The following APAF1 variants were observed in gnomAD, a reference collection of about 807,000 sequenced individuals.
The protein encoded by APAF1 is apoptotic peptidase activating factor 1.
In APAF1, 91 loss-of-function variants were observed where a neutral mutation model predicts 152.4. The observed-to-expected ratio is 0.60, with a 90% CI of 0.50 to 0.71. APAF1 has a LOEUF of 0.71. Among genes scored for constraint, APAF1 ranks in the 30% least tolerant of loss-of-function variants. APAF1 has a pLI of 0.00. For missense variants in APAF1, 1,283 were observed against 1,472.0 expected (o/e 0.87, Z 2.10); for synonymous variants, 484 against 494.1 (o/e 0.98, Z 0.27).
intron 16 of APAF1, among the ~76,000 whole-genome samples, chr12:98,694,611 T>C (rs1458541821): frequency 6.6e-6 from 1 of 152,200 alleles, no homozygotes; most frequent in Non-Finnish European, 1.5e-5. Flanking sequence ...TATTATTCTG[T>C]TCTTGTTTCA....
chr12:98,648,971 T>A, intron 3 of APAF1, 156 bp downstream of exon 3: 1 of 836,454 alleles, frequency 1.2e-6, no homozygotes, highest in Non-Finnish European at 2.0e-6. Context: ...TATTTTTTAT[T>A]TGCATCCACA....
chr12:98,704,150 A>G (rs1005827524), intron 18 of APAF1, among the ~76,000 whole-genome samples: 3 of 149,902 alleles, frequency 2.0e-5, no homozygotes, highest in Non-Finnish European at 4.5e-5. Flanking sequence ...TTTTAATAGA[A>G]ATGGGGGTCT....
intron 24 of APAF1, among the ~76,000 whole-genome samples, chr12:98,725,021 A>G (rs1165993538): frequency 6.6e-6 from 1 of 152,190 alleles, no homozygotes; most frequent in African/African-American, 2.4e-5. Context: ...CATAGGTACA[A>G]TTGTCCTCAT....
intron 3 of APAF1, 23 bp from the exon 4 acceptor site, chr12:98,649,464 G>T (rs1299359671): frequency 7.4e-6 from 12 of 1,610,758 alleles, no homozygotes; most frequent in East Asian, 2.2e-5. Context: ...ATTCATTCAT[G>T]CTTGTTTTGT....
intron 18 of APAF1, among the ~76,000 whole-genome samples, chr12:98,703,988 A>AT (rs1333382283): frequency 6.6e-6 from 1 of 152,156 alleles, no homozygotes; most frequent in Non-Finnish European, 1.5e-5. Flanking sequence ...CTTTTTTATG[A>AT]TTTTGTACTT....
chr12:98,719,154 G>T (rs910626690), intron 22 of APAF1, among the ~76,000 whole-genome samples: 1 of 152,118 alleles, frequency 6.6e-6, no homozygotes, highest in African/African-American at 2.4e-5. Flanking sequence ...CACACTCAGT[G>T]TCTCCTGCTC....
intron 19 of APAF1, among the ~76,000 whole-genome samples, chr12:98,707,856 T>A (rs2097723413): frequency 6.6e-6 from 1 of 152,194 alleles, no homozygotes; most frequent in Non-Finnish European, 1.5e-5. Context: ...GCTTTCTTCA[T>A]CAAGAAAGTC....
Position 98,648,552 on chromosome 12 carries a change from C to G in APAF1, c.138+55C>G. Reference sequence around the variant, plus strand: ...CTTAAAAATTTTTAGAATTTCAGAACTTGTACTGGTCTCCACTACTTTATG... The same window carrying G: ...CTTAAAAATTTTTAGAATTTCAGAAGTTGTACTGGTCTCCACTACTTTATG... On this transcript the variant is annotated intron_variant, in intron 2 of 26. Coordinates refer to ENST00000551964, the MANE Select transcript of APAF1 (RefSeq NM_181861.2). The G allele has an allele frequency of 2.5e-6, 4 of 1,608,168 alleles. 1 individual carries two copies. The South Asian group carries it at 4.4e-5, about 18-fold the overall frequency.
At chr12:98,659,040 A>G (rs563429606) in intron 4 of APAF1, 120 bp from the exon 5 acceptor site, 1 of 963,308 alleles carries the variant, frequency 1.0e-6, no homozygotes, top group Admixed American at 2.0e-5. Context: ...CTCTAAATCA[A>G]GAGAAGTTGA....
chr12:98,686,148 G>A (rs2097697825), intron 15 of APAF1, among the ~76,000 whole-genome samples: 1 of 151,986 alleles, frequency 6.6e-6, no homozygotes, highest in Non-Finnish European at 1.5e-5. Flanking sequence ...ATGTTTGTTG[G>A]AATCAGAATC....
intron 16 of APAF1, among the ~76,000 whole-genome samples, chr12:98,696,347 T>G (rs1316625336): frequency 6.6e-6 from 1 of 152,138 alleles, no homozygotes; most frequent in Non-Finnish European, 1.5e-5. Context: ...CCAGACTGTT[T>G]TCAACAACCC....
At chr12:98,729,873 G>T (rs1392253271) in intron 26 of APAF1, among the ~76,000 whole-genome samples, 2 of 152,100 alleles carry the variant, frequency 1.3e-5, no homozygotes, top group Non-Finnish European at 2.9e-5. Context: ...GTACTAAGGG[G>T]TACAAAAATA....
chr12:98,715,702 T>C, intron 22 of APAF1, 150 bp downstream of exon 22: 1 of 865,438 alleles, frequency 1.2e-6, no homozygotes, highest in Non-Finnish European at 1.9e-6. Flanking sequence ...AACCTATGGG[T>C]GTTTCATATT....
At position 98,735,077 on chromosome 12, in the gene APAF1, G is replaced by A. The variant is rs1268250630; in HGVS notation, c.*2511G>A. ...AGCCTGGGTGACATAGCAAGACCCT[G>A]TCTTAAAAGAAAAATGGGAAGAAAG... On this transcript the variant is annotated 3_prime_UTR_variant, in exon 27 of 27. Coordinates refer to ENST00000551964, the MANE Select transcript of APAF1 (RefSeq NM_181861.2). The A allele has an allele frequency of 2.5e-6, 1 of 397,250 alleles. No individual in the cohort carries two copies. Among genetic ancestry groups the A allele is most frequent in the Non-Finnish European group, 4.4e-6 (1 of 225,480 alleles). The allele number at this position is 397,250 out of a possible 1,614,324, so 24.6% of individuals were successfully genotyped here. A position where few individuals can be genotyped will look rare whatever the true frequency, so the allele number is the denominator to read the frequency against.
intron 12 of APAF1, among the ~76,000 whole-genome samples, chr12:98,674,439 GTC>G (rs34546993): frequency 1.6e-3 from 243 of 148,328 alleles, no homozygotes; most frequent in Admixed American, 2.4e-3. Flanking sequence ...TGAAGTGGAG[GTC>G]TCTCTCTCTC....
At chr12:98,658,300 CAAT>C (rs749924325) in intron 4 of APAF1, among the ~76,000 whole-genome samples, 13 of 152,102 alleles carry the variant, frequency 8.5e-5, no homozygotes, top group Non-Finnish European at 1.6e-4. Context: ...GCTCAATTAA[CAAT>C]GATGATGATA....
At chr12:98,724,695 A>G (rs539079962) in intron 24 of APAF1, among the ~76,000 whole-genome samples, 2 of 152,082 alleles carry the variant, frequency 1.3e-5, no homozygotes, top group Admixed American at 6.6e-5. Flanking sequence ...CATTTGTTAG[A>G]ACATTTACTT....
intron 26 of APAF1, among the ~76,000 whole-genome samples, chr12:98,729,408 G>A (rs996966612): frequency 6.6e-6 from 1 of 152,168 alleles, no homozygotes; most frequent in African/African-American, 2.4e-5. Context: ...TAGATCCCTC[G>A]CATGTGCAGT....
chr12:98,685,848 G>T lies in APAF1; in HGVS notation c.2179-900G>T, dbSNP rs532528731. Among the ~76,000 whole-genome samples, 3 of 151,810 alleles carry T rather than the reference G, an allele frequency of 2.0e-5. No homozygotes were observed. In the South Asian group the frequency reaches 6.3e-4, roughly 32 times the overall value. ...GATGGGGTTTTGCTATGGTGGTCAG[G>T]CTGGTCTTGAACTCCTGACCTCAGG... On this transcript the variant is annotated intron_variant, in intron 15 of 26. Transcript: ENST00000551964.
Sources: gnomAD v4.1 joint callset for allele counts (sites outside exome capture counted in the v4.1 genomes callset) on GRCh38, gnomAD v4.1.1 for gene constraint, MANE v1.5 for transcripts, NCBI Gene and HGNC (gene_info 2026-07-23, HGNC 2026-07-21) for gene names.